The following HS6ST3 variants were observed in gnomAD, a reference collection of about 807,000 sequenced individuals.
The protein encoded by HS6ST3 is heparan sulfate 6-O-sulfotransferase 3.
In HS6ST3, 12 loss-of-function variants were observed where a neutral mutation model predicts 36.7. That is an observed-to-expected ratio of 0.33 (90% CI 0.21 to 0.53). The LOEUF (loss-of-function observed/expected upper bound fraction) is 0.53, where lower values mean the gene tolerates loss of function less well. HS6ST3 is among the 20% of genes least tolerant of loss of function. HS6ST3 has a pLI of 0.95. For missense variants in HS6ST3, 584 were observed against 640.9 expected (o/e 0.91, Z 0.96); for synonymous variants, 240 against 257.5 (o/e 0.93, Z 0.65).
chr13:96,785,385 TAACTC>T (rs1244512221), intron 1 of HS6ST3, among the ~76,000 whole-genome samples: 1 of 151,792 alleles, frequency 6.6e-6, no homozygotes, highest in Admixed American at 6.6e-5. Flanking sequence ...AATGAAGAAA[TAACTC>T]AGATCAGTCA....
chr13:96,582,565 A>T (rs748803254), intron 1 of HS6ST3, among the ~76,000 whole-genome samples: 1 of 152,174 alleles, frequency 6.6e-6, no homozygotes, highest in Non-Finnish European at 1.5e-5. Flanking sequence ...TCCAGTTTTC[A>T]TGGAGATACT....
intron 1 of HS6ST3, among the ~76,000 whole-genome samples, chr13:96,351,455 G>GGGC (rs2055183923): frequency 6.6e-6 from 1 of 151,766 alleles, no homozygotes; most frequent in Admixed American, 6.6e-5. Flanking sequence ...GGAACTAGAG[G>GGGC]GGCACACCAC....
chr13:96,115,383 C>CT (rs2053889190), intron 1 of HS6ST3, among the ~76,000 whole-genome samples: 1 of 152,078 alleles, frequency 6.6e-6, no homozygotes, highest in Admixed American at 6.6e-5. Flanking sequence ...GACCCATTCT[C>CT]TAAGTTTCCT....
intron 1 of HS6ST3, among the ~76,000 whole-genome samples, chr13:96,445,428 A>G (rs1255292016): frequency 6.6e-6 from 1 of 152,138 alleles, no homozygotes; most frequent in Non-Finnish European, 1.5e-5. Flanking sequence ...ATATATTGTT[A>G]AACCCAGAAT....
intron 1 of HS6ST3, among the ~76,000 whole-genome samples, chr13:96,507,879 G>C (rs1339028360): frequency 6.6e-6 from 1 of 152,036 alleles, no homozygotes; most frequent in Non-Finnish European, 1.5e-5. Flanking sequence ...TTTACTTGAA[G>C]TTAACAAAAG....
chr13:96,118,337 G>A (rs1422591382), intron 1 of HS6ST3, among the ~76,000 whole-genome samples: 1 of 151,996 alleles, frequency 6.6e-6, no homozygotes, highest in Non-Finnish European at 1.5e-5. Context: ...AGATAAAGTC[G>A]CCATCTACAA....
intron 1 of HS6ST3, among the ~76,000 whole-genome samples, chr13:96,482,457 T>TG (rs1806342355): frequency 7.1e-6 from 1 of 140,784 alleles, no homozygotes; most frequent in African/African-American, 2.7e-5. Context: ...TTTATTTTTC[T>TG]TTTTTTTTTT....
intron 1 of HS6ST3, among the ~76,000 whole-genome samples, chr13:96,577,595 C>A (rs566721804): frequency 6.6e-6 from 1 of 152,132 alleles, no homozygotes; most frequent in Non-Finnish European, 1.5e-5. Context: ...AATCGCCTAT[C>A]CATCTGACAA....
chr13:96,391,221 T>G (rs974757206), intron 1 of HS6ST3, among the ~76,000 whole-genome samples: 1 of 152,216 alleles, frequency 6.6e-6, no homozygotes. Flanking sequence ...TCTCAGTACA[T>G]GTAAGTTTAG....
chr13:96,565,108 C>A (rs1433119015), intron 1 of HS6ST3, among the ~76,000 whole-genome samples: 7 of 151,880 alleles, frequency 4.6e-5, no homozygotes, highest in African/African-American at 1.7e-4. Flanking sequence ...ACACATTTAT[C>A]TCTCTCCCCT....
chr13:96,637,024 A>G (rs1239202091), intron 1 of HS6ST3, among the ~76,000 whole-genome samples: 1 of 152,182 alleles, frequency 6.6e-6, no homozygotes, highest in Non-Finnish European at 1.5e-5. Flanking sequence ...AAAAAAGAAT[A>G]CAAGTGTTTT....
intron 1 of HS6ST3, among the ~76,000 whole-genome samples, chr13:96,637,025 C>T (rs1467095802): frequency 6.6e-6 from 1 of 151,930 alleles, no homozygotes; most frequent in Admixed American, 6.6e-5. Context: ...AAAAAGAATA[C>T]AAGTGTTTTC....
At chr13:96,795,515 C>T (rs1300939070) in intron 1 of HS6ST3, among the ~76,000 whole-genome samples, 1 of 152,072 alleles carries the variant, frequency 6.6e-6, no homozygotes, top group East Asian at 1.9e-4. Context: ...GAATCCCAAC[C>T]TCATTCTCTT....
intron 1 of HS6ST3, among the ~76,000 whole-genome samples, chr13:96,701,089 G>C (rs1875273545): frequency 6.6e-6 from 1 of 152,052 alleles, no homozygotes; most frequent in South Asian, 2.1e-4. Flanking sequence ...AGCTGATTTT[G>C]GGAGAAAAAA....
At chr13:96,277,500 A>T (rs1459554020) in intron 1 of HS6ST3, among the ~76,000 whole-genome samples, 1 of 152,218 alleles carries the variant, frequency 6.6e-6, no homozygotes, top group African/African-American at 2.4e-5. Flanking sequence ...TTTTTGAAAA[A>T]TACAAGTCAA....
At chr13:96,279,591 A>C (rs1368802578) in intron 1 of HS6ST3, among the ~76,000 whole-genome samples, 2 of 152,302 alleles carry the variant, frequency 1.3e-5, no homozygotes, top group East Asian at 1.9e-4. Flanking sequence ...AGCTGAGTAG[A>C]ATTTATCTAG....
At chr13:96,605,667 CA>C (rs1555314031) in intron 1 of HS6ST3, among the ~76,000 whole-genome samples, 1 of 151,564 alleles carries the variant, frequency 6.6e-6, no homozygotes, top group Non-Finnish European at 1.5e-5. Flanking sequence ...ACTTAAAGAC[CA>C]AGCAAAAAAG....
intron 1 of HS6ST3, among the ~76,000 whole-genome samples, chr13:96,534,502 T>G (rs1297419367): frequency 6.6e-6 from 1 of 152,212 alleles, no homozygotes; most frequent in Non-Finnish European, 1.5e-5. Context: ...TTATTAATAC[T>G]AATTGGCACA....
At chr13:96,503,943 C>T (rs1345816900) in intron 1 of HS6ST3, among the ~76,000 whole-genome samples, 1 of 152,042 alleles carries the variant, frequency 6.6e-6, no homozygotes, top group Non-Finnish European at 1.5e-5. Context: ...CAGATAGTTG[C>T]CTTTTTGTTG....
Sources: allele counts gnomAD v4.1 joint callset (sites outside exome capture counted in the v4.1 genomes callset), GRCh38; gene constraint gnomAD v4.1.1; transcripts MANE v1.5; gene names NCBI Gene and HGNC (gene_info 2026-07-23, HGNC 2026-07-21).